The following NCOA1 variants were observed in gnomAD, a reference collection of about 807,000 sequenced individuals.
The protein encoded by NCOA1 is Hin-2 protein.
NCOA1 carries 35 observed loss-of-function variants against 150.9 expected under a neutral mutation model. The ratio of observed to expected loss-of-function variants is 0.23; its 90% CI spans 0.18 to 0.31. The LOEUF (loss-of-function observed/expected upper bound fraction) is 0.31, where lower values mean the gene tolerates loss of function less well. NCOA1 is among the 10% of genes least tolerant of loss of function. The probability of loss-of-function intolerance (pLI) is 1.00; values close to 1 mark genes in which losing one functional copy is unlikely to be tolerated. For missense variants in NCOA1, 1,491 were observed against 1,749.3 expected, an observed-to-expected ratio of 0.85 and a Z score of 2.63; for synonymous variants, 590 against 630.0, an observed-to-expected ratio of 0.94 and a Z score of 0.95.
intron 4 of NCOA1, among the ~76,000 whole-genome samples, chr2:24,656,454 A>G (rs1670955739): frequency 1.3e-5 from 2 of 152,102 alleles, no homozygotes; most frequent in African/African-American, 4.8e-5. Flanking sequence ...CACGTCAATC[A>G]TTTTTCATTT....
At chr2:24,552,353 A>ATTTTT (rs869212842) in intron 1 of NCOA1, among the ~76,000 whole-genome samples, 3 of 38,350 alleles carry the variant, frequency 7.8e-5, no homozygotes, top group African/African-American at 1.3e-4. Context: ...ATATATATAT[A>ATTTTT]TTTTTTTTTT....
intron 3 of NCOA1, among the ~76,000 whole-genome samples, chr2:24,589,726 A>G (rs1462111807): frequency 7.2e-5 from 11 of 151,952 alleles, no homozygotes; most frequent in Admixed American, 7.2e-4. Flanking sequence ...CCTGGAAGGC[A>G]GTCATTTTGT....
intron 1 of NCOA1, among the ~76,000 whole-genome samples, chr2:24,516,261 C>T (rs1197715965): frequency 7.2e-5 from 10 of 138,650 alleles, no homozygotes; most frequent in Admixed American, 1.6e-4. Context: ...GGCACGATCT[C>T]GGCCCACTGC....
At chr2:24,626,560 G>A (rs574531335) in intron 3 of NCOA1, among the ~76,000 whole-genome samples, 1 of 152,292 alleles carries the variant, frequency 6.6e-6, no homozygotes, top group African/African-American at 2.4e-5. Context: ...ATGGTTGCTG[G>A]TGATAGCAGT....
chr2:24,756,666 A>G (rs1477885226), intron 20 of NCOA1, among the ~76,000 whole-genome samples: 1 of 152,232 alleles, frequency 6.6e-6, no homozygotes, highest in African/African-American at 2.4e-5. Context: ...TTAACAATTA[A>G]TATATAGTCA....
At chr2:24,548,286 C>G (rs1665687465) in intron 1 of NCOA1, among the ~76,000 whole-genome samples, 1 of 152,146 alleles carries the variant, frequency 6.6e-6, no homozygotes, top group Non-Finnish European at 1.5e-5. Context: ...GAAAACTCCC[C>G]CTTACAAAAG....
At chr2:24,697,527 T>C in intron 10 of NCOA1, 131 bp from the exon 11 acceptor site, 1 of 831,666 alleles carries the variant, frequency 1.2e-6, no homozygotes, top group South Asian at 2.0e-5. Flanking sequence ...TAAAAATTAA[T>C]AGTGCTTTTT....
At chr2:24,691,230 T>C (rs1370009367) in intron 8 of NCOA1, among the ~76,000 whole-genome samples, 1 of 152,196 alleles carries the variant, frequency 6.6e-6, no homozygotes, top group Non-Finnish European at 1.5e-5. Context: ...TTGCCTTTGA[T>C]TATAGTATTT....
chr2:24,531,256 T>C (rs1054568798), intron 1 of NCOA1, among the ~76,000 whole-genome samples: 1 of 152,044 alleles, frequency 6.6e-6, no homozygotes, highest in Non-Finnish European at 1.5e-5. Context: ...GCAAAGGAGA[T>C]GAAATCACCA....
At position 24,674,151 on chromosome 2, in the gene NCOA1, G is replaced by GTGTGTGTGTGTGTGTGTGTGTGTGTA. The variant is rs141963010; in HGVS notation, c.354+689_354+690insGTGTGTGTGTGTGTGTGTGTGTGTAT. On this transcript the variant is annotated intron_variant, in intron 7 of 22. Transcript: ENST00000348332. ...TGTGTGTGTGTGTGTGTGTGTGTGT[G>GTGTGTGTGTGTGTGTGTGTGTGTGTA]TATATATTTCTATCTCTAGGTCTAA... Among the ~76,000 whole-genome samples the GTGTGTGTGTGTGTGTGTGTGTGTGTA allele has an allele frequency of 3.4e-5, 5 of 145,214 alleles. No homozygotes were observed. The South Asian group carries it at 1.1e-3, about 31-fold the overall frequency.
At chr2:24,520,889 T>C (rs898208748) in intron 1 of NCOA1, among the ~76,000 whole-genome samples, 1 of 116,934 alleles carries the variant, frequency 8.6e-6, no homozygotes, top group African/African-American at 2.9e-5. Context: ...TCTGACCTTC[T>C]CTCCTATTGT....
intron 22 of NCOA1, among the ~76,000 whole-genome samples, chr2:24,763,635 T>TTTA (rs1664904071): frequency 1.4e-5 from 2 of 146,370 alleles, no homozygotes; most frequent in African/African-American, 5.0e-5. Flanking sequence ...TTTTTTTTTT[T>TTTA]TTTGAGTTGG....
chr2:24,639,353 G>A (rs1281224630), intron 3 of NCOA1, among the ~76,000 whole-genome samples: 1 of 151,850 alleles, frequency 6.6e-6, no homozygotes, highest in South Asian at 2.1e-4. Flanking sequence ...TTATTACGTT[G>A]TTCAGAACAC....
chr2:24,768,014 T>C, intron 22 of NCOA1: 1 of 1,551,832 alleles, frequency 6.4e-7, no homozygotes, highest in Non-Finnish European at 8.9e-7. Flanking sequence ...ATTTTGATTT[T>C]ATTTTTAAAG....
chr2:24,688,597 G>T (rs773424332), intron 8 of NCOA1, among the ~76,000 whole-genome samples: 1 of 152,014 alleles, frequency 6.6e-6, no homozygotes, highest in Non-Finnish European at 1.5e-5. Context: ...TTTTAATGGG[G>T]TTGTTTTTTC....
chr2:24,762,883 T>C (rs996286978), intron 22 of NCOA1, 107 bp downstream of exon 22: 1 of 960,434 alleles, frequency 1.0e-6, no homozygotes, highest in African/African-American at 1.6e-5. Flanking sequence ...GACCTGGGTG[T>C]GAGTCCTGGC....
In NCOA1 at chr2:24,529,055, T is replaced by A. The variant is rs1664772317; in HGVS notation, c.-395-35240T>A. Reference sequence around the variant, plus strand: ...GCGCCCGCCACCACGCCTGGCTAATTTTTTGTATATTTAGTAGAGACGGGG... The same window carrying A: ...GCGCCCGCCACCACGCCTGGCTAATATTTTGTATATTTAGTAGAGACGGGG... On this transcript the variant is annotated intron_variant, in intron 1 of 22. Coordinates refer to ENST00000348332, the MANE Select transcript of NCOA1 (RefSeq NM_003743.5). Among the ~76,000 whole-genome samples the A allele has an allele frequency of 2.0e-5, 3 of 152,260 alleles. No homozygotes were observed. In the South Asian group the frequency reaches 6.2e-4, roughly 32 times the overall value.
At chr2:24,683,246 G>A in intron 8 of NCOA1, 118 bp downstream of exon 8, 1 of 593,992 alleles carries the variant, frequency 1.7e-6, no homozygotes, top group Non-Finnish European at 2.4e-6. Context: ...GTTATAATAT[G>A]TGTTTAAAAT....
chr2:24,519,775 T>A (rs1035167968), intron 1 of NCOA1, among the ~76,000 whole-genome samples: 9 of 152,036 alleles, frequency 5.9e-5, no homozygotes, highest in Non-Finnish European at 1.3e-4. Context: ...TGCAGTGAGC[T>A]ATGATGCCCC....
Sources: gnomAD v4.1 joint callset for allele counts (sites outside exome capture counted in the v4.1 genomes callset) on GRCh38, gnomAD v4.1.1 for gene constraint, MANE v1.5 for transcripts, NCBI Gene and HGNC (gene_info 2026-07-23, HGNC 2026-07-21) for gene names.